The following DYSF variants were observed in gnomAD, a reference collection of about 807,000 sequenced individuals.
DYSF encodes the protein dysferlin.
In DYSF, 212 loss-of-function variants were observed where a neutral mutation model predicts 274.9. That is an observed-to-expected ratio of 0.77 (90% CI 0.69 to 0.86). The LOEUF (loss-of-function observed/expected upper bound fraction) is 0.86, where lower values mean the gene tolerates loss of function less well. DYSF is among the 40% of genes least tolerant of loss of function. The pLI is 0.00. For synonymous variants in DYSF, 1,091 were observed against 1,078.7 expected (o/e 1.01, Z -0.22); for missense variants, 2,666 against 2,783.2 (o/e 0.96, Z 0.95).
intron 23 of DYSF, 64 bp from the exon 24 acceptor site, chr2:71,563,994 T>C: frequency 1.2e-6 from 2 of 1,608,090 alleles, no homozygotes; most frequent in East Asian, 2.2e-5. Context: ...CAGCTCACGG[T>C]GTGGCTGTGG....
chr2:71,622,130 G>GTTTGTTTTTT (rs2094118487), intron 41 of DYSF, among the ~76,000 whole-genome samples: 1 of 97,004 alleles, frequency 1.0e-5, no homozygotes, highest in African/African-American at 3.9e-5. Flanking sequence ...TGATTTCTTT[G>GTTTGTTTTTT]TTTTTTTTTT....
At chr2:71,620,227 G>C (rs1370735143) in intron 40 of DYSF, among the ~76,000 whole-genome samples, 1 of 152,186 alleles carries the variant, frequency 6.6e-6, no homozygotes, top group African/African-American at 2.4e-5. Context: ...GTCAGGCATT[G>C]GCTGAGCCCC....
upstream of DYSF, among the ~76,000 whole-genome samples, chr2:71,464,048 T>C (rs761243127): frequency 2.0e-5 from 3 of 152,140 alleles, no homozygotes; most frequent in Non-Finnish European, 4.4e-5. Context: ...CTCTCTTTCC[T>C]TTTCCCCACC....
At chr2:71,590,357 T>G in intron 32 of DYSF, 69 bp downstream of exon 32, 1 of 1,569,580 alleles carries the variant, frequency 6.4e-7, no homozygotes, top group Non-Finnish European at 8.8e-7. Flanking sequence ...CATCTGGCTT[T>G]CGGGCAACAA....
intron 41 of DYSF, among the ~76,000 whole-genome samples, chr2:71,639,086 T>C (rs772519402): frequency 2.0e-5 from 3 of 152,252 alleles, no homozygotes; most frequent in African/African-American, 7.2e-5. Context: ...TCTAATGATG[T>C]GGAGCATCTT....
rs1372661233 is a variant in DYSF at position 71,526,346 on chromosome 2, A to C, written c.1276A>C (p.Met426Leu). 4 of 1,359,496 alleles carry C rather than the reference A, an allele frequency of 2.9e-6. No homozygotes were observed. The African/African-American group carries it at 6.6e-5, about 22-fold the overall frequency. The allele number at this position is 1,359,496 out of a possible 1,614,324, so 84.2% of individuals were successfully genotyped here. A position where few individuals can be genotyped will look rare whatever the true frequency, so the allele number is the denominator to read the frequency against. ...CTTCCGGGCCGAGGACTTGCCGCAG[A>C]GTGCGTGGGGCGCGCCCTTGGGTGG... The part of the protein sequence containing the change: ...KVFRAEDLPQ[M>L]DDAVMDNVKQ... Residue 426 changes from methionine (M) to leucine (L), a missense_variant and splice_region_variant, in exon 13 of 56, where the codon ATG (methionine) becomes CTG (leucine). Physicochemically the swap from Met to Leu is conservative, Grantham distance 15 (BLOSUM62 2). Transcript: ENST00000410020.
chr2:71,569,750 C>T (rs767457466), intron 26 of DYSF, 70 bp from the exon 27 acceptor site: 16 of 1,358,642 alleles, frequency 1.2e-5, no homozygotes, highest in Non-Finnish European at 1.5e-5. Flanking sequence ...GGGTGCTCTC[C>T]AGGAGGTGGT....
intron 4 of DYSF, among the ~76,000 whole-genome samples, chr2:71,510,597 T>G (rs1274386121): frequency 6.6e-6 from 1 of 152,116 alleles, no homozygotes; most frequent in Non-Finnish European, 1.5e-5. Context: ...CAGGCCCCAG[T>G]CTGGAGAGTT....
chr2:71,636,860 C>T (rs544546174), intron 41 of DYSF, among the ~76,000 whole-genome samples: 8 of 152,144 alleles, frequency 5.3e-5, no homozygotes, highest in South Asian at 4.1e-4. Flanking sequence ...CAGGTGTGGC[C>T]GCTGAGGTGG....
chr2:71,522,169 C>G (rs1250106106), intron 12 of DYSF, among the ~76,000 whole-genome samples: 1 of 152,042 alleles, frequency 6.6e-6, no homozygotes, highest in Non-Finnish European at 1.5e-5. Flanking sequence ...TCCTAAAACA[C>G]CCCTTCCTTG....
At chr2:71,522,639 G>A (rs1396160520) in intron 12 of DYSF, among the ~76,000 whole-genome samples, 1 of 152,112 alleles carries the variant, frequency 6.6e-6, no homozygotes, top group Non-Finnish European at 1.5e-5. Flanking sequence ...GATCTTCTGA[G>A]CTCTGGACGC....
chr2:71,495,804 GCT>G (rs911934139), intron 3 of DYSF, among the ~76,000 whole-genome samples: 1 of 152,076 alleles, frequency 6.6e-6, no homozygotes, highest in Non-Finnish European at 1.5e-5. Flanking sequence ...TGGGGCAGGG[GCT>G]CTGCTACCCT....
intron 1 of DYSF, among the ~76,000 whole-genome samples, chr2:71,471,039 A>T (rs1480676888): frequency 6.6e-6 from 1 of 151,744 alleles, no homozygotes; most frequent in Non-Finnish European, 1.5e-5. Context: ...CAGTCAATCC[A>T]CCCACCTTGG....
chr2:71,653,014 A>T (rs910669520), intron 42 of DYSF, among the ~76,000 whole-genome samples: 4 of 152,256 alleles, frequency 2.6e-5, no homozygotes, highest in Non-Finnish European at 5.9e-5. Context: ...TTGTAAGTAT[A>T]ATTTGAGAGG....
At chr2:71,484,967 A>C (rs1456436849) in intron 3 of DYSF, among the ~76,000 whole-genome samples, 1 of 152,120 alleles carries the variant, frequency 6.6e-6, no homozygotes, top group Non-Finnish European at 1.5e-5. Flanking sequence ...AGCTCCCTAA[A>C]AACCAGTGCC....
intron 32 of DYSF, among the ~76,000 whole-genome samples, chr2:71,592,983 G>C (rs923085864): frequency 6.6e-6 from 1 of 152,180 alleles, no homozygotes; most frequent in African/African-American, 2.4e-5. Flanking sequence ...CCTTAGGTGG[G>C]GTTTGAGTGT....
At chr2:71,596,829 C>G (rs975274926) in intron 32 of DYSF, among the ~76,000 whole-genome samples, 3 of 152,204 alleles carry the variant, frequency 2.0e-5, no homozygotes, top group African/African-American at 7.2e-5. Context: ...CTTCTATTAA[C>G]CAGACCCAGC....
Position 71,570,732 on chromosome 2 carries a change from A to T in DYSF, c.3219A>T (p.Ala1073=). The change falls in exon 29 of 56, where the codon GCA becomes GCT. Residue 1073 remains alanine (A), a synonymous_variant. Transcript: ENST00000410020. ...GGAGGGATCTCAGCCAAATGGAAGC[A>T]CTGAAAAGGGTGAGCCAGCAGGTGG... ...LRRRDLSQME[A]LKRHRQAEAE... 6.2e-7 allele frequency: 1 copy of T among 1,613,904 alleles called. No individual in the cohort carries two copies. The highest frequency in any genetic ancestry group is 2.2e-5 in the East Asian group (1 of 44,876).
chr2:71,669,835 T>C, intron 51 of DYSF, 89 bp downstream of exon 51: 1 of 1,552,970 alleles, frequency 6.4e-7, no homozygotes, highest in Non-Finnish European at 8.8e-7. Flanking sequence ...CTGGCAACTG[T>C]CACAATCTCA....
Sources: gnomAD v4.1 joint callset for allele counts (sites outside exome capture counted in the v4.1 genomes callset) on GRCh38, gnomAD v4.1.1 for gene constraint, MANE v1.5 for transcripts, NCBI Gene and HGNC (gene_info 2026-07-23, HGNC 2026-07-21) for gene names.